Variants in SAMD5 observed in about 807,000 individuals in gnomAD.
SAMD5 encodes the protein sterile alpha motif domain containing 5.
Under a neutral mutation model 11.3 loss-of-function variants are expected in SAMD5, and 13 were observed. The ratio of observed to expected loss-of-function variants is 1.15; its 90% CI spans 0.75 to 1.83. The LOEUF (loss-of-function observed/expected upper bound fraction) is 1.83. SAMD5 is among the 40% of genes most tolerant of loss of function. The pLI is 0.00. For synonymous variants in SAMD5, 129 were observed against 111.3 expected, an observed-to-expected ratio of 1.16 and a Z score of -1.00; for missense variants, 255 against 239.1, an observed-to-expected ratio of 1.07 and a Z score of -0.44.
chr6:147,694,168 G>A (rs1791143265), intron 1 of SAMD5, among the ~76,000 whole-genome samples: 1 of 152,190 alleles, frequency 6.6e-6, no homozygotes, highest in Admixed American at 6.5e-5. Flanking sequence ...ACTTGCGGCA[G>A]TTTGCTTAGG....
the SAMD5 span, among the ~76,000 whole-genome samples, chr6:147,790,770 TTCTCTCTCTCTCTCTC>T: frequency 4.9e-3 from 429 of 88,158 alleles, 5 homozygotes; most frequent in Middle Eastern, 0.014. Flanking sequence ...CTCTCTCTCT[TTCTCTCTCTCTCTCTC>T]TCTCTCTCTC....
At chr6:147,832,585 C>T in the SAMD5 span, among the ~76,000 whole-genome samples, 1 of 152,198 alleles carries the variant, frequency 6.6e-6, no homozygotes, top group East Asian at 1.9e-4. Context: ...CCCCTCCTTC[C>T]TCCTCTCTAC....
the SAMD5 span, among the ~76,000 whole-genome samples, chr6:147,784,662 A>C: frequency 6.6e-6 from 1 of 152,236 alleles, no homozygotes; most frequent in Non-Finnish European, 1.5e-5. Flanking sequence ...GTGCTGTCTA[A>C]TGCCAGTGAT....
the SAMD5 span, among the ~76,000 whole-genome samples, chr6:147,918,322 G>A: frequency 3.3e-5 from 5 of 152,092 alleles, no homozygotes; most frequent in Admixed American, 2.0e-4. Context: ...TCTCTTCGAA[G>A]CAGTTGTGAG....
At chr6:147,808,658 C>G in the SAMD5 span, among the ~76,000 whole-genome samples, 1 of 152,162 alleles carries the variant, frequency 6.6e-6, no homozygotes, top group African/African-American at 2.4e-5. Flanking sequence ...TTTAAAGTTT[C>G]ATTCTAGGCA....
chr6:147,887,889 C>T, the SAMD5 span, among the ~76,000 whole-genome samples: 8 of 152,032 alleles, frequency 5.3e-5, no homozygotes, highest in Non-Finnish European at 1.0e-4. Context: ...TATCTCATTG[C>T]GATTTTAATT....
chr6:147,629,661 G>A (rs1028334631), intron 1 of SAMD5, among the ~76,000 whole-genome samples: 15 of 152,124 alleles, frequency 9.9e-5, no homozygotes, highest in Non-Finnish European at 2.9e-5. Flanking sequence ...TGTTCAGCCT[G>A]GTAATAACAA....
intron 1 of SAMD5, among the ~76,000 whole-genome samples, chr6:147,626,834 G>GTGAA (rs1329117854): frequency 8.4e-6 from 1 of 118,474 alleles, no homozygotes; most frequent in Non-Finnish European, 1.9e-5. Flanking sequence ...AAGAAAAGAA[G>GTGAA]TGAAGCCATA....
chr6:147,582,662 C>T (rs1789316687), intron 1 of SAMD5, among the ~76,000 whole-genome samples: 1 of 152,160 alleles, frequency 6.6e-6, no homozygotes, highest in Admixed American at 6.5e-5. Flanking sequence ...AGGTATTTCC[C>T]CTTGACTAAA....
intron 1 of SAMD5, among the ~76,000 whole-genome samples, chr6:147,563,819 CAACTA>C (rs1249422067): frequency 1.3e-5 from 2 of 152,206 alleles, no homozygotes; most frequent in East Asian, 3.8e-4. Context: ...AGCTCACGTG[CAACTA>C]TGGTTTTTAC....
At chr6:147,907,481 G>A in the SAMD5 span, among the ~76,000 whole-genome samples, 2 of 152,184 alleles carry the variant, frequency 1.3e-5, no homozygotes, top group African/African-American at 2.4e-5. Flanking sequence ...AATAACTTTT[G>A]CACCAACCTA....
At chr6:147,685,457 G>A (rs1018195873) in intron 1 of SAMD5, among the ~76,000 whole-genome samples, 6 of 152,170 alleles carry the variant, frequency 3.9e-5, no homozygotes, top group Non-Finnish European at 5.9e-5. Context: ...ATAGGCATGA[G>A]CCGCTACACC....
At chr6:147,580,251 T>C (rs574191606) in intron 1 of SAMD5, among the ~76,000 whole-genome samples, 1 of 152,310 alleles carries the variant, frequency 6.6e-6, no homozygotes, top group Admixed American at 6.5e-5. Context: ...CAGAGAATGT[T>C]AATGTCAAGG....
At chr6:147,609,340 C>G (rs940162192) in intron 1 of SAMD5, among the ~76,000 whole-genome samples, 1 of 152,142 alleles carries the variant, frequency 6.6e-6, no homozygotes, top group South Asian at 2.1e-4. Context: ...TGGAATAGAA[C>G]ATTGCCTCAT....
At chr6:147,675,881 C>T (rs945914058) in intron 1 of SAMD5, among the ~76,000 whole-genome samples, 1 of 152,108 alleles carries the variant, frequency 6.6e-6, no homozygotes, top group South Asian at 2.1e-4. Context: ...ATTAATGCCA[C>T]GCAAAAGAAA....
rs73587491 is a variant in SAMD5 at position 147,635,760 on chromosome 6, G to A, written c.163-101557G>A. 6.7e-3 allele frequency among the ~76,000 whole-genome samples: 1,016 copies of A among 152,274 alleles called. 13 individuals are homozygous for A. The highest frequency in any genetic ancestry group is 0.023 in the African/African-American group (970 of 41,564). ...TCCATGAGAAGAGGATGCCCAAATAGCCACTGCCCCTTTAGTTGGGACCTT... is the reference window on the plus strand; with the variant it reads ...TCCATGAGAAGAGGATGCCCAAATAACCACTGCCCCTTTAGTTGGGACCTT... On this transcript the variant is annotated intron_variant, in intron 1 of 1. Coordinates refer to the SAMD5 transcript ENST00000566741.
intron 1 of SAMD5, among the ~76,000 whole-genome samples, chr6:147,664,457 C>T (rs1562346454): frequency 6.6e-6 from 1 of 152,066 alleles, no homozygotes; most frequent in Non-Finnish European, 1.5e-5. Flanking sequence ...CCATCAGACT[C>T]GTTTCTCAGT....
At chr6:147,722,092 T>A (rs1199055862) in intron 1 of SAMD5, among the ~76,000 whole-genome samples, 1 of 152,196 alleles carries the variant, frequency 6.6e-6, no homozygotes, top group African/African-American at 2.4e-5. Flanking sequence ...TTTACAACAT[T>A]GTGTCTTGGG....
chr6:147,801,947 ATAAC>A, the SAMD5 span, among the ~76,000 whole-genome samples: 4 of 152,220 alleles, frequency 2.6e-5, no homozygotes, highest in Admixed American at 1.3e-4. Context: ...CATAAAAGCT[ATAAC>A]TATAAAGCTT....
Sources: allele counts gnomAD v4.1 joint callset (sites outside exome capture counted in the v4.1 genomes callset), GRCh38; gene constraint gnomAD v4.1.1; transcripts MANE v1.5; gene names NCBI Gene and HGNC (gene_info 2026-07-23, HGNC 2026-07-21).